Variants in GRIK2 observed in about 807,000 individuals in gnomAD.
GRIK2 encodes glutamate receptor ionotropic, kainate 2.
In GRIK2, 32 loss-of-function variants were observed where a neutral mutation model predicts 100.3. The observed-to-expected ratio is 0.32, with a 90% CI of 0.24 to 0.43. The LOEUF (loss-of-function observed/expected upper bound fraction) is 0.43, where lower values mean the gene tolerates loss of function less well. Ranked by LOEUF, GRIK2 falls within the 20% of genes least tolerant of loss-of-function variation. The pLI is 1.00. For synonymous variants in GRIK2, 417 were observed against 389.4 expected, an observed-to-expected ratio of 1.07 and a Z score of -0.83; for missense variants, 843 against 1,114.9, an observed-to-expected ratio of 0.76 and a Z score of 3.47.
intron 15 of GRIK2, among the ~76,000 whole-genome samples, chr6:102,048,112 A>AAAAC (rs1770992758): frequency 6.6e-6 from 1 of 151,330 alleles, no homozygotes. Context: ...CCAATGGAAA[A>AAAAC]AAACAGTTCT....
chr6:101,514,528 GT>G (rs1442613863), intron 2 of GRIK2, among the ~76,000 whole-genome samples: 1 of 152,058 alleles, frequency 6.6e-6, no homozygotes. Flanking sequence ...CTCTAATATA[GT>G]TTTCCTTTTA....
chr6:101,716,646 T>C (rs544688144), intron 7 of GRIK2, among the ~76,000 whole-genome samples: 1 of 150,228 alleles, frequency 6.7e-6, no homozygotes, highest in Non-Finnish European at 1.5e-5. Flanking sequence ...AAATACCTAA[T>C]GTAAATGACC....
At chr6:101,892,983 A>G (rs1215777569) in intron 12 of GRIK2, among the ~76,000 whole-genome samples, 2 of 151,404 alleles carry the variant, frequency 1.3e-5, no homozygotes, top group African/African-American at 4.8e-5. Context: ...ACTCTGACAT[A>G]GTATTGAACT....
chr6:101,589,677 C>A (rs1778549168), intron 2 of GRIK2, among the ~76,000 whole-genome samples: 1 of 152,076 alleles, frequency 6.6e-6, no homozygotes, highest in South Asian at 2.1e-4. Flanking sequence ...AACATTTACA[C>A]CTCAGAAAAT....
intron 12 of GRIK2, among the ~76,000 whole-genome samples, chr6:101,897,050 A>G (rs1787505160): frequency 6.6e-6 from 1 of 151,346 alleles, no homozygotes; most frequent in South Asian, 2.1e-4. Flanking sequence ...ACACATGCAC[A>G]CACATCTGAT....
At chr6:101,408,194 T>G (rs1179193173) in intron 2 of GRIK2, among the ~76,000 whole-genome samples, 2 of 152,138 alleles carry the variant, frequency 1.3e-5, no homozygotes, top group African/African-American at 4.8e-5. Context: ...AGTGTGTTGC[T>G]TACATTTTAT....
intron 2 of GRIK2, among the ~76,000 whole-genome samples, chr6:101,425,667 G>A (rs1040695838): frequency 1.3e-5 from 2 of 152,154 alleles, no homozygotes; most frequent in African/African-American, 2.4e-5. Flanking sequence ...ATCAACTCAT[G>A]TATCACAGGC....
chr6:101,778,647 T>C (rs1357200459), intron 7 of GRIK2, among the ~76,000 whole-genome samples: 1 of 152,024 alleles, frequency 6.6e-6, no homozygotes, highest in East Asian at 1.9e-4. Flanking sequence ...AAAATAAACA[T>C]TTTTGATGGA....
chr6:101,638,559 A>G (rs1781130185), intron 4 of GRIK2, among the ~76,000 whole-genome samples: 1 of 64,108 alleles, frequency 1.6e-5, no homozygotes, highest in Non-Finnish European at 2.7e-5. Context: ...AGCAAGGAGA[A>G]AAAAATATAA....
chr6:102,023,584 G>A (rs1019727245), intron 14 of GRIK2, among the ~76,000 whole-genome samples: 6 of 151,522 alleles, frequency 4.0e-5, no homozygotes, highest in African/African-American at 1.5e-4. Flanking sequence ...CTAAAAGTGA[G>A]TTGAGTCCAC....
At chr6:101,604,018 T>C (rs960806722) in intron 2 of GRIK2, among the ~76,000 whole-genome samples, 3 of 151,702 alleles carry the variant, frequency 2.0e-5, no homozygotes, top group African/African-American at 7.2e-5. Flanking sequence ...TAATAATTAC[T>C]TTGATAATAC....
Position 101,769,767 on chromosome 6 carries a change from A to G in GRIK2, c.952-29881A>G, listed in dbSNP as rs1040856306. ...TAAAAGAAAAGGTATTTATTTGAAA[A>G]TAAAGCATTGTAATGGGAATATGCA... is the stretch of plus-strand genomic sequence containing the variant. On this transcript the variant is annotated intron_variant, in intron 7 of 16. Coordinates refer to ENST00000369134, the MANE Select transcript of GRIK2 (RefSeq NM_021956.5). Among the ~76,000 whole-genome samples, 6 of 152,344 alleles carry G rather than the reference A, an allele frequency of 3.9e-5. No individual in the cohort carries two copies. In the East Asian group the frequency reaches 1.2e-3, roughly 29 times the overall value.
At chr6:102,048,458 A>G (rs954114668) in intron 15 of GRIK2, among the ~76,000 whole-genome samples, 1 of 152,116 alleles carries the variant, frequency 6.6e-6, no homozygotes, top group East Asian at 1.9e-4. Context: ...CAAGCCACAC[A>G]CTCAATAAGG....
At chr6:101,541,534 C>T (rs1217587158) in intron 2 of GRIK2, among the ~76,000 whole-genome samples, 2 of 151,938 alleles carry the variant, frequency 1.3e-5, no homozygotes, top group Non-Finnish European at 2.9e-5. Flanking sequence ...TTTCTGTCTC[C>T]CCAGTGATCT....
chr6:101,503,011 G>A (rs1488291806), intron 2 of GRIK2, among the ~76,000 whole-genome samples: 1 of 152,210 alleles, frequency 6.6e-6, no homozygotes, highest in South Asian at 2.1e-4. Context: ...ACAGATGGAG[G>A]TGGGGGTTAT....
intron 2 of GRIK2, among the ~76,000 whole-genome samples, chr6:101,542,028 A>G (rs969903424): frequency 6.6e-6 from 1 of 152,114 alleles, no homozygotes; most frequent in African/African-American, 2.4e-5. Flanking sequence ...TTCTGTTTGT[A>G]TTCTCATAAT....
chr6:101,708,892 T>C (rs1182497526), intron 7 of GRIK2, among the ~76,000 whole-genome samples: 2 of 151,776 alleles, frequency 1.3e-5, no homozygotes, highest in African/African-American at 4.8e-5. Context: ...CAATTGGAAA[T>C]AGGGTCTTTG....
At chr6:101,602,873 T>C (rs1779286393) in intron 2 of GRIK2, among the ~76,000 whole-genome samples, 1 of 151,710 alleles carries the variant, frequency 6.6e-6, no homozygotes, top group Non-Finnish European at 1.5e-5. Flanking sequence ...ATTTGAATTG[T>C]TGAGTGATTT....
chr6:102,024,500 G>T (rs1769591029), intron 14 of GRIK2, among the ~76,000 whole-genome samples: 1 of 151,204 alleles, frequency 6.6e-6, no homozygotes, highest in Non-Finnish European at 1.5e-5. Flanking sequence ...TCCAGGAAAT[G>T]AATAGAAGAC....
Sources: allele counts gnomAD v4.1 joint callset (sites outside exome capture counted in the v4.1 genomes callset), GRCh38; gene constraint gnomAD v4.1.1; transcripts MANE v1.5; gene names NCBI Gene and HGNC (gene_info 2026-07-23, HGNC 2026-07-21).